Variants in KCNN2 observed in about 807,000 individuals in gnomAD.
KCNN2 encodes the protein potassium calcium-activated channel subfamily N member 2.
Under a neutral mutation model 55.5 loss-of-function variants are expected in KCNN2, and 24 were observed. The ratio of observed to expected loss-of-function variants is 0.43; its 90% CI spans 0.31 to 0.61. KCNN2 has a LOEUF of 0.61. Among genes scored for constraint, KCNN2 ranks in the 20% least tolerant of loss-of-function variants. The pLI is 0.08. For synonymous variants in KCNN2, 431 were observed against 336.1 expected, an observed-to-expected ratio of 1.28 and a Z score of -3.09; for missense variants, 754 against 853.6, an observed-to-expected ratio of 0.88 and a Z score of 1.45.
intron 2 of KCNN2, among the ~76,000 whole-genome samples, chr5:114,356,827 T>C (rs1477472737): frequency 1.3e-5 from 2 of 152,168 alleles, no homozygotes; most frequent in Non-Finnish European, 2.9e-5. Flanking sequence ...CAATGTGTGA[T>C]TTAAAAATAA....
chr5:114,469,855 C>A (rs371846986), intron 4 of KCNN2, among the ~76,000 whole-genome samples: 2 of 152,028 alleles, frequency 1.3e-5, no homozygotes, highest in Non-Finnish European at 2.9e-5. Context: ...GATTCTCTTA[C>A]GATTTATTAA....
intron 6 of KCNN2, chr5:114,490,753 A>G (rs1561417828): frequency 5.0e-6 from 2 of 398,130 alleles, no homozygotes; most frequent in Middle Eastern, 6.3e-4. Context: ...TACTGGCTGC[A>G]TGCACCCAGC....
intron 2 of KCNN2, among the ~76,000 whole-genome samples, chr5:114,280,034 A>G (rs1350206554): frequency 6.6e-6 from 1 of 152,028 alleles, no homozygotes; most frequent in Non-Finnish European, 1.5e-5. Flanking sequence ...TTTGATTTGC[A>G]TTTCTCTGAT....
chr5:114,389,307 CT>C (rs778863411), intron 2 of KCNN2, among the ~76,000 whole-genome samples: 2 of 152,132 alleles, frequency 1.3e-5, no homozygotes, highest in Non-Finnish European at 2.9e-5. Flanking sequence ...TTGGCATTGT[CT>C]CTGTGTCCTT....
intron 3 of KCNN2, among the ~76,000 whole-genome samples, chr5:114,457,091 T>C (rs1760959353): frequency 6.6e-6 from 1 of 152,222 alleles, no homozygotes; most frequent in African/African-American, 2.4e-5. Context: ...TGCTATCATA[T>C]AGCATCATAT....
chr5:114,330,316 A>G (rs1756792909), intron 2 of KCNN2, among the ~76,000 whole-genome samples: 1 of 152,160 alleles, frequency 6.6e-6, no homozygotes, highest in African/African-American at 2.4e-5. Context: ...CATAATTCAC[A>G]TGTACACACT....
At chr5:114,136,824 C>A (rs1048391950) in intron 1 of KCNN2, among the ~76,000 whole-genome samples, 19 of 152,018 alleles carry the variant, frequency 1.2e-4, no homozygotes, top group African/African-American at 4.6e-4. Context: ...TAAGTGAGAA[C>A]CTTAAATAAG....
chr5:114,416,021 C>T (rs1759293556), intron 3 of KCNN2, among the ~76,000 whole-genome samples: 1 of 152,140 alleles, frequency 6.6e-6, no homozygotes, highest in Non-Finnish European at 1.5e-5. Flanking sequence ...TTCTTGCTGC[C>T]CTTTTCCTAC....
At chr5:114,157,048 A>AC (rs1190524365) in intron 1 of KCNN2, among the ~76,000 whole-genome samples, 3 of 151,700 alleles carry the variant, frequency 2.0e-5, no homozygotes, top group Non-Finnish European at 4.4e-5. Context: ...GTACATGTGC[A>AC]CAATGTGCAG....
chr5:114,062,078 A>AC, intron 1 of KCNN2, among the ~76,000 whole-genome samples: 1 of 151,830 alleles, frequency 6.6e-6, no homozygotes, highest in Middle Eastern at 3.4e-3. Context: ...GCTTATGGTT[A>AC]TTTATTTAAG....
At chr5:114,291,607 G>T (rs1430420069) in intron 2 of KCNN2, among the ~76,000 whole-genome samples, 1 of 152,146 alleles carries the variant, frequency 6.6e-6, no homozygotes, top group Admixed American at 6.5e-5. Context: ...CATTTGGGTT[G>T]GTTCCAAGTC....
chr5:114,490,114 G>T (rs544488833), intron 6 of KCNN2, among the ~76,000 whole-genome samples: 1 of 152,034 alleles, frequency 6.6e-6, no homozygotes, highest in South Asian at 2.1e-4. Context: ...AACTTTTAAC[G>T]CTTTTTCTGG....
chr5:114,295,663 A>G (rs1037747610), intron 2 of KCNN2, among the ~76,000 whole-genome samples: 1 of 152,074 alleles, frequency 6.6e-6, no homozygotes, highest in Non-Finnish European at 1.5e-5. Flanking sequence ...AAGTGAGGCA[A>G]TGCCTCACCC....
intron 2 of KCNN2, among the ~76,000 whole-genome samples, chr5:114,239,898 A>G (rs1329748612): frequency 6.6e-6 from 1 of 152,210 alleles, no homozygotes; most frequent in East Asian, 1.9e-4. Context: ...GGCAATTAGA[A>G]TCTAAAAATT....
intron 1 of KCNN2, among the ~76,000 whole-genome samples, chr5:114,071,369 G>A (rs1337110426): frequency 1.3e-5 from 2 of 152,224 alleles, no homozygotes; most frequent in Middle Eastern, 3.4e-3. Flanking sequence ...CCCACTCTTG[G>A]CTGTCAGATT....
rs147353356 is a variant in KCNN2, at chr5:114,439,026, A to G, written c.1638-24023A>G. 2.9e-3 allele frequency among the ~76,000 whole-genome samples: 447 copies of G among 152,320 alleles called. 2 individuals carry two copies. Among genetic ancestry groups the G allele is most frequent in the African/African-American group, 0.01 (430 of 41,578 alleles). On this transcript the variant is annotated intron_variant, in intron 3 of 7. Coordinates refer to ENST00000673685, the MANE Select transcript of KCNN2 (RefSeq NM_021614.4). ...GACATTATAGTGCATGCATTCAAAT[A>G]AAATTCAAAGGAAAAATGTACAGTA...
At chr5:114,232,721 A>T (rs1027224894) in intron 2 of KCNN2, among the ~76,000 whole-genome samples, 1 of 150,700 alleles carries the variant, frequency 6.6e-6, no homozygotes, top group African/African-American at 2.5e-5. Flanking sequence ...GCGGTGTCAA[A>T]AAGTTTTATC....
chr5:114,363,870 C>A (rs972131377), intron 1 of KCNN2, 36 bp from the exon 2 acceptor site: 5 of 1,550,274 alleles, frequency 3.2e-6, no homozygotes, highest in Non-Finnish European at 3.6e-6. Context: ...AAAAGTGCTT[C>A]TTTCTTAAAA....
At chr5:114,279,710 G>A (rs557383834) in intron 2 of KCNN2, among the ~76,000 whole-genome samples, 8 of 152,258 alleles carry the variant, frequency 5.3e-5, no homozygotes, top group African/African-American at 1.7e-4. Flanking sequence ...TGATGGACAT[G>A]TGGGTTGGTT....
Sources: gnomAD v4.1 joint callset for allele counts (sites outside exome capture counted in the v4.1 genomes callset) on GRCh38, gnomAD v4.1.1 for gene constraint, MANE v1.5 for transcripts, NCBI Gene and HGNC (gene_info 2026-07-23, HGNC 2026-07-21) for gene names.